ANKRD45: variants seen among roughly 807,000 people sequenced by gnomAD.
ANKRD45 encodes the protein ankyrin repeat domain 45, also known as ankyrin repeat domain-containing protein 45.
A neutral mutation model predicts 28.1 loss-of-function variants in ANKRD45; 21 were observed. The ratio of observed to expected loss-of-function variants is 0.75; its 90% CI spans 0.53 to 1.08. The LOEUF (loss-of-function observed/expected upper bound fraction) is 1.08. ANKRD45 is among the 50% of genes least tolerant of loss of function. The probability of loss-of-function intolerance (pLI) is 0.00; values close to 1 mark genes in which losing one functional copy is unlikely to be tolerated. For synonymous variants in ANKRD45, 86 were observed against 103.9 expected (o/e 0.83, Z 1.05); for missense variants, 261 against 308.7 (o/e 0.85, Z 1.16).
the ANKRD45 span, among the ~76,000 whole-genome samples, chr1:173,693,473 C>G: frequency 6.6e-6 from 1 of 152,172 alleles, no homozygotes; most frequent in Non-Finnish European, 1.5e-5. Context: ...CTGGCAAATG[C>G]ATAACCACTT....
chr1:173,654,034 A>T (rs1481628854), intron 2 of ANKRD45, among the ~76,000 whole-genome samples: 4 of 150,922 alleles, frequency 2.7e-5, no homozygotes, highest in East Asian at 2.0e-4. Context: ...AGTACAGCAC[A>T]CTGATGGGTC....
At chr1:173,613,015 C>T (rs944538439) in intron 5 of ANKRD45, among the ~76,000 whole-genome samples, 28 of 152,106 alleles carry the variant, frequency 1.8e-4, no homozygotes, top group Non-Finnish European at 3.5e-4. Flanking sequence ...GCCGCCACCC[C>T]GTCTGGGAAG....
chr1:173,704,214 G>T, the ANKRD45 span, among the ~76,000 whole-genome samples: 2 of 151,388 alleles, frequency 1.3e-5, no homozygotes, highest in Non-Finnish European at 2.9e-5. Context: ...AAGATTTGGG[G>T]GTGCATGAAC....
At chr1:173,712,311 T>C in the ANKRD45 span, among the ~76,000 whole-genome samples, 1 of 152,218 alleles carries the variant, frequency 6.6e-6, no homozygotes, top group East Asian at 1.9e-4. Context: ...AACACAGCAC[T>C]GTAGCTGAAA....
chr1:173,619,453 G>A (rs1489160404), intron 5 of ANKRD45, among the ~76,000 whole-genome samples: 1 of 152,062 alleles, frequency 6.6e-6, no homozygotes, highest in Admixed American at 6.5e-5. Context: ...AACTTACCAA[G>A]CAAATGGAAA....
intron 5 of ANKRD45, among the ~76,000 whole-genome samples, chr1:173,615,801 T>C (rs1206558827): frequency 1.3e-5 from 2 of 152,060 alleles, no homozygotes; most frequent in African/African-American, 4.8e-5. Flanking sequence ...TGTCCATCAA[T>C]TGATAAATAG....
chr1:173,661,070 G>A (rs1268407018), intron 1 of ANKRD45, among the ~76,000 whole-genome samples: 1 of 152,048 alleles, frequency 6.6e-6, no homozygotes, highest in Non-Finnish European at 1.5e-5. Context: ...ATCTCAAGAT[G>A]TATTTTTGTC....
chr1:173,661,392 G>A (rs1362257984), intron 1 of ANKRD45, among the ~76,000 whole-genome samples: 1 of 152,154 alleles, frequency 6.6e-6, no homozygotes, highest in Non-Finnish European at 1.5e-5. Flanking sequence ...TTTTGGGAAT[G>A]AGCATGTTGG....
At chr1:173,624,590 G>A (rs947213583) in intron 5 of ANKRD45, among the ~76,000 whole-genome samples, 197 bp downstream of exon 5, 1 of 151,944 alleles carries the variant, frequency 6.6e-6, no homozygotes, top group Middle Eastern at 3.2e-3. Context: ...TTTCCTATAG[G>A]AAGAATTCAG....
At chr1:173,645,930 T>G (rs916619976) in intron 3 of ANKRD45, among the ~76,000 whole-genome samples, 17 of 152,236 alleles carry the variant, frequency 1.1e-4, no homozygotes, top group African/African-American at 4.1e-4. Flanking sequence ...TTCTGATATT[T>G]TTATATAATT....
At chr1:173,705,296 T>G in the ANKRD45 span, among the ~76,000 whole-genome samples, 3 of 151,558 alleles carry the variant, frequency 2.0e-5, no homozygotes, top group Admixed American at 6.6e-5. Context: ...CTTTAAAAAT[T>G]TTAAAGATAT....
intron 1 of ANKRD45, among the ~76,000 whole-genome samples, chr1:173,666,701 T>C (rs759679289): frequency 4.6e-5 from 7 of 152,184 alleles, no homozygotes; most frequent in Non-Finnish European, 7.3e-5. Context: ...CAGAGGACTA[T>C]ATATATTGTA....
chr1:173,707,200 A>G, the ANKRD45 span, among the ~76,000 whole-genome samples: 1 of 151,998 alleles, frequency 6.6e-6, no homozygotes, highest in Admixed American at 6.6e-5. Flanking sequence ...ATATATTAAT[A>G]TATTGCAAAT....
In ANKRD45 at chr1:173,613,570, C is replaced by G. The variant is rs532834417; in HGVS notation, c.731-3355G>C. Among the ~76,000 whole-genome samples, 421 of 148,882 alleles carry G rather than the reference C, an allele frequency of 2.8e-3. 25 individuals carry two copies. Among genetic ancestry groups the G allele is most frequent in the African/African-American group, 8.6e-3 (343 of 40,014 alleles). On this transcript the variant is annotated intron_variant, in intron 5 of 5. Coordinates refer to ENST00000333279, the MANE Select transcript of ANKRD45 (RefSeq NM_198493.3). ...AGGGAGGTGGGGGGTCAGCCCCCCC[C>G]CCGGCCAGCCGCCCCGTCCGGGAGG...
the ANKRD45 span, among the ~76,000 whole-genome samples, chr1:173,689,646 A>G: frequency 6.6e-6 from 1 of 152,154 alleles, no homozygotes; most frequent in Non-Finnish European, 1.5e-5. Flanking sequence ...TAGGAATCTC[A>G]TAGGCCCTTC....
chr1:173,655,895 T>C (rs1669483335), intron 2 of ANKRD45, among the ~76,000 whole-genome samples: 1 of 152,256 alleles, frequency 6.6e-6, no homozygotes, highest in African/African-American at 2.4e-5. Context: ...TCTGTGGGCA[T>C]GGGACCCGCC....
chr1:173,611,822 A>G (rs1667171413), intron 5 of ANKRD45, among the ~76,000 whole-genome samples: 1 of 152,186 alleles, frequency 6.6e-6, no homozygotes, highest in Non-Finnish European at 1.5e-5. Context: ...GTGTTCCAAA[A>G]CATAATTAAG....
the ANKRD45 span, among the ~76,000 whole-genome samples, chr1:173,687,452 C>CT: frequency 4.7e-5 from 5 of 106,534 alleles, no homozygotes; most frequent in Admixed American, 1.8e-4. Flanking sequence ...TATATAAATT[C>CT]TACCCCCCCC....
intron 5 of ANKRD45, among the ~76,000 whole-genome samples, chr1:173,613,428 C>T (rs539864898): frequency 0.019 from 2,832 of 151,350 alleles, 85 homozygotes; most frequent in African/African-American, 0.065. Context: ...GGAGCATCTC[C>T]GCCCGGCAGC....
Sources: gnomAD v4.1 joint callset for allele counts (sites outside exome capture counted in the v4.1 genomes callset) on GRCh38, gnomAD v4.1.1 for gene constraint, MANE v1.5 for transcripts, NCBI Gene and HGNC (gene_info 2026-07-23, HGNC 2026-07-21) for gene names.